MECR: variants seen among roughly 807,000 people sequenced by gnomAD.
MECR encodes mitochondrial trans-2-enoyl-CoA reductase, also known as enoyl-[acyl-carrier-protein] reductase, mitochondrial.
In MECR, 37 loss-of-function variants were observed where a neutral mutation model predicts 49.1. That is an observed-to-expected ratio of 0.75 (90% confidence interval 0.58 to 0.99). The LOEUF is 0.99. Ranked by LOEUF, MECR falls within the 50% of genes least tolerant of loss-of-function variation. The probability of loss-of-function intolerance (pLI) is 0.00; values close to 1 mark genes in which losing one functional copy is unlikely to be tolerated. For synonymous variants in MECR, 198 were observed against 191.1 expected, an observed-to-expected ratio of 1.04 and a Z score of -0.30; for missense variants, 470 against 479.6, an observed-to-expected ratio of 0.98 and a Z score of 0.19.
At chr1:29,230,706 C>T (rs1021381741) in intron 1 of MECR, 25 bp downstream of exon 1, 83 of 1,556,586 alleles carry the variant, frequency 5.3e-5, no homozygotes, top group Admixed American at 4.7e-4. Context: ...CAGTCCCCTT[C>T]CCCGGCTTCG....
Position 29,201,765 on chromosome 1 carries a change from C to T in MECR, c.756+178G>A, listed in dbSNP as rs1467222613. Among the ~76,000 whole-genome samples, 3 of 152,202 alleles carry T rather than the reference C, an allele frequency of 2.0e-5. No homozygotes were observed. The highest frequency in any genetic ancestry group is 2.9e-5 in the Non-Finnish European group (2 of 68,040). On this transcript the variant is annotated intron_variant, in intron 6 of 9. Transcript: ENST00000263702. This position sits in a 1 kb window ranked among gnomAD's most constrained non-coding sequence, Gnocchi z 4.3. The stretch of plus-strand genomic sequence containing the variant: ...TCATGCCTCCCTCCCAGCATCTGGG[C>T]ACTTAATGCGTGCTGCCTGCCGCCT...
downstream of MECR, among the ~76,000 whole-genome samples, chr1:29,188,718 C>T (rs1673071579): frequency 6.6e-6 from 1 of 151,938 alleles, no homozygotes; most frequent in South Asian, 2.1e-4. Context: ...TGGCTCACTA[C>T]AACCTCCACC....
chr1:29,210,501 GCA>G (rs1411628110), intron 3 of MECR, among the ~76,000 whole-genome samples: 1 of 152,146 alleles, frequency 6.6e-6, no homozygotes, highest in Non-Finnish European at 1.5e-5. Flanking sequence ...ACTCTACCGT[GCA>G]CCAAATGCTT....
chr1:29,177,410 T>C, the MECR span, among the ~76,000 whole-genome samples: 5 of 151,912 alleles, frequency 3.3e-5, no homozygotes, highest in South Asian at 2.1e-4. Context: ...GCCTCCCGAG[T>C]AGCCAGGATT....
At chr1:29,169,812 C>T in the MECR span, 6 of 152,162 alleles carry the variant, frequency 3.9e-5, no homozygotes, top group Non-Finnish European at 7.4e-5. Context: ...AAAAACAGAA[C>T]AATCATTATC....
chr1:29,177,833 C>G, the MECR span, among the ~76,000 whole-genome samples: 2 of 151,492 alleles, frequency 1.3e-5, no homozygotes, highest in Non-Finnish European at 2.9e-5. Context: ...TTCCTGAACA[C>G]TAAATCTCCT....
At position 29,198,245 on chromosome 1, in the gene MECR, A is replaced by G. The variant is rs533265297; in HGVS notation, c.831-1987T>C. On this transcript the variant is annotated intron_variant, in intron 7 of 9. Transcript: ENST00000263702. ...GTGACCTGGTTCCTAACAGGCCACG[A>G]ACTGGTACTGGTCTGCGGCCTGGGG... 2.0e-5 allele frequency among the ~76,000 whole-genome samples: 3 copies of G among 152,314 alleles called. No homozygotes were observed. The East Asian group carries it at 5.8e-4, about 29-fold the overall frequency.
At chr1:29,224,871 C>T (rs540299954) in intron 1 of MECR, 1 of 152,356 alleles carries the variant, frequency 6.6e-6, no homozygotes, top group South Asian at 2.1e-4. Flanking sequence ...ATGAGGACCC[C>T]TCCCACCTCA....
chr1:29,211,422 C>A (rs1025863184), intron 3 of MECR, among the ~76,000 whole-genome samples: 1 of 152,200 alleles, frequency 6.6e-6, no homozygotes, highest in Non-Finnish European at 1.5e-5. Flanking sequence ...TTATATATTG[C>A]CTGTGGCTGT....
intron 1 of MECR, among the ~76,000 whole-genome samples, chr1:29,222,400 AG>A (rs1680992376): frequency 6.6e-6 from 1 of 152,082 alleles, no homozygotes; most frequent in Admixed American, 6.6e-5. Flanking sequence ...CCTGGCTGTT[AG>A]GTATTTCCTG....
In MECR at chr1:29,193,964, G is replaced by A; in HGVS notation, c.*58C>T. On this transcript the variant is annotated 3_prime_UTR_variant, in exon 10 of 10. Transcript: ENST00000263702. ...GGTGGGAGCCCCAACTGAGGGGCCT[G>A]CACCCAGCCCCTCAGATCCGCCTCC... 6.2e-7 allele frequency: 1 copy of A among 1,601,220 alleles called. No homozygotes were observed. Among genetic ancestry groups the A allele is most frequent in the Non-Finnish European group, 8.5e-7 (1 of 1,172,382 alleles).
chr1:29,209,356 T>C (rs1250958684), intron 3 of MECR, among the ~76,000 whole-genome samples: 1 of 152,198 alleles, frequency 6.6e-6, no homozygotes, highest in African/African-American at 2.4e-5. Flanking sequence ...CTCAGCACTG[T>C]GGTATGGAGA....
At chr1:29,221,711 A>T (rs986973285) in intron 1 of MECR, among the ~76,000 whole-genome samples, 4 of 152,202 alleles carry the variant, frequency 2.6e-5, no homozygotes, top group African/African-American at 9.7e-5. Flanking sequence ...GGTGACCTGC[A>T]GTATGGATAC....
At chr1:29,182,100 ACCG>A in the MECR span, 4 of 209,386 alleles carry the variant, frequency 1.9e-5, no homozygotes, top group Non-Finnish European at 3.7e-5. Flanking sequence ...GGGTTCCTGC[ACCG>A]CCTTCCGCAG....
At chr1:29,192,410 T>C (rs1191257489), downstream of MECR, among the ~76,000 whole-genome samples, 1 of 152,204 alleles carries the variant, frequency 6.6e-6, no homozygotes, top group Non-Finnish European at 1.5e-5. Context: ...CCTTCCTTGA[T>C]GCCCTCGGGC....
intron 1 of MECR, 152 bp downstream of exon 1, chr1:29,230,579 C>T: frequency 2.2e-6 from 2 of 912,056 alleles, no homozygotes; most frequent in Non-Finnish European, 3.3e-6. Context: ...TACGGTCTTT[C>T]TGACCTACCA....
Position 29,230,773 on chromosome 1 carries a change from G to A in MECR, c.134C>T (p.Ala45Val). 4 of 1,599,758 alleles carry A rather than the reference G, an allele frequency of 2.5e-6. No individual in the cohort carries two copies. Among genetic ancestry groups the A allele is most frequent in the Non-Finnish European group, 3.4e-6 (4 of 1,173,780 alleles). Residue 45 changes from alanine (A) to valine (V), a missense_variant, in exon 1 of 10, where the codon GCG (alanine) becomes GTG (valine). Ala to Val is a moderately conservative substitution (Grantham distance 64). Coordinates refer to ENST00000263702, the MANE Select transcript of MECR (RefSeq NM_016011.5). ...ATCCCCGTGGTGCCCATAGACAAGC[G>A]CCCGGACCCGGGCAGGCTCGGCGGA... is the stretch of plus-strand genomic sequence containing the variant. Reference protein sequence around the residue: ...SASAEPARVRALVYGHHGDPA... With the variant: ...SASAEPARVRVLVYGHHGDPA...
the MECR span, among the ~76,000 whole-genome samples, chr1:29,183,636 A>G: frequency 6.6e-6 from 1 of 152,076 alleles, no homozygotes; most frequent in Non-Finnish European, 1.5e-5. Context: ...TTTGAGATAT[A>G]TTTTCCTATT....
Position 29,200,565 on chromosome 1 carries a change from G to C in MECR, c.781C>G (p.Leu261Val). 1 of 1,613,934 alleles carries C rather than the reference G, an allele frequency of 6.2e-7. No homozygotes were observed. Among genetic ancestry groups the C allele is most frequent in the Non-Finnish European group, 8.5e-7 (1 of 1,179,866 alleles). ...FKDMPQPRLA[L>V]NCVGGKSSTE... ...GAGCTTTTCCCACCAACACAGTTGA[G>C]AGCAAGCCGTGGCTGGGGCATGTCC... Residue 261 changes from leucine (L) to valine (V), a missense_variant, in exon 7 of 10, where the codon CTC becomes GTC. Transcript: ENST00000263702.
Sources: allele counts gnomAD v4.1 joint callset (sites outside exome capture counted in the v4.1 genomes callset), GRCh38; gene constraint gnomAD v4.1.1; non-coding constraint Gnocchi (gnomAD v3.1); transcripts MANE v1.5; gene names NCBI Gene and HGNC (gene_info 2026-07-23, HGNC 2026-07-21).